Variants in CNTNAP2 observed in about 807,000 individuals in gnomAD.
The protein encoded by CNTNAP2 is contactin associated protein 2, also known as contactin-associated protein-like 2.
In CNTNAP2, 98 loss-of-function variants were observed where a neutral mutation model predicts 155.2. The ratio of observed to expected loss-of-function variants is 0.63; its 90% CI spans 0.54 to 0.75. CNTNAP2 has a LOEUF of 0.75. Ranked by LOEUF, CNTNAP2 falls within the 30% of genes least tolerant of loss-of-function variation. CNTNAP2 has a pLI of 0.00. For synonymous variants in CNTNAP2, 651 were observed against 631.2 expected (o/e 1.03, Z -0.47); for missense variants, 1,727 against 1,688.1 (o/e 1.02, Z -0.40).
intron 1 of CNTNAP2, among the ~76,000 whole-genome samples, chr7:146,519,737 G>A (rs1034093893): frequency 2.0e-5 from 3 of 151,774 alleles, no homozygotes; most frequent in South Asian, 4.1e-4. Flanking sequence ...GATATTTACC[G>A]CATCGTCTCA....
intron 8 of CNTNAP2, among the ~76,000 whole-genome samples, chr7:147,213,624 A>G (rs761153186): frequency 4.6e-5 from 7 of 152,154 alleles, no homozygotes; most frequent in Non-Finnish European, 4.4e-5. Flanking sequence ...GATAGAATCA[A>G]AAAGATATAT....
At position 146,793,619 on chromosome 7, in the gene CNTNAP2, T is replaced by C. The variant is rs530758202; in HGVS notation, c.208+19238T>C. Among the ~76,000 whole-genome samples the C allele has an allele frequency of 2.5e-4, 38 of 152,344 alleles. No individual in the cohort carries two copies. In the South Asian group the frequency reaches 7.7e-3, roughly 31 times the overall value. The stretch of plus-strand genomic sequence containing the variant: ...AAAGCAAGAATGGCAGAGGCAAGAA[T>C]GCGATAGCTGTTCCTTGACATTGGA... On this transcript the variant is annotated intron_variant, in intron 2 of 23. Coordinates refer to ENST00000361727, the MANE Select transcript of CNTNAP2 (RefSeq NM_014141.6).
chr7:146,400,023 G>T (rs1795690983), intron 1 of CNTNAP2, among the ~76,000 whole-genome samples: 2 of 152,020 alleles, frequency 1.3e-5, no homozygotes, highest in South Asian at 4.1e-4. Flanking sequence ...GGAAAGTCTA[G>T]AAGAAAAAGT....
chr7:147,727,768 G>A (rs1001488601), intron 13 of CNTNAP2, among the ~76,000 whole-genome samples: 12 of 126,206 alleles, frequency 9.5e-5, no homozygotes, highest in African/African-American at 1.8e-4. Flanking sequence ...TTTTTCCTGC[G>A]CTCACTGCAC....
At chr7:147,720,782 G>A (rs1188377873) in intron 13 of CNTNAP2, among the ~76,000 whole-genome samples, 1 of 152,206 alleles carries the variant, frequency 6.6e-6, no homozygotes. Context: ...CAGCCATGCT[G>A]AACTGTGAGT....
chr7:147,113,695 A>G (rs1292076341), intron 5 of CNTNAP2, among the ~76,000 whole-genome samples: 1 of 152,134 alleles, frequency 6.6e-6, no homozygotes, highest in Non-Finnish European at 1.5e-5. Context: ...GGGGATTATA[A>G]TTTGGATTAC....
intron 8 of CNTNAP2, among the ~76,000 whole-genome samples, chr7:147,135,826 T>C (rs533947933): frequency 6.6e-5 from 10 of 151,318 alleles, no homozygotes; most frequent in Admixed American, 1.3e-4. Context: ...TTTCATGTCC[T>C]AAATACAGTT....
intron 12 of CNTNAP2, among the ~76,000 whole-genome samples, chr7:147,591,829 TC>T (rs34514338): frequency 9.9e-5 from 15 of 152,096 alleles, no homozygotes; most frequent in Non-Finnish European, 1.5e-4. Context: ...CCAGGTAAAC[TC>T]TCATGCTGTC....
At chr7:146,651,931 C>T (rs1469869475) in intron 1 of CNTNAP2, among the ~76,000 whole-genome samples, 1 of 151,964 alleles carries the variant, frequency 6.6e-6, no homozygotes, top group Non-Finnish European at 1.5e-5. Flanking sequence ...AATGGATGGG[C>T]TTATATTATG....
chr7:147,333,571 G>T (rs751833772), intron 9 of CNTNAP2, among the ~76,000 whole-genome samples: 54 of 152,200 alleles, frequency 3.5e-4, no homozygotes, highest in Admixed American at 2.8e-3. Context: ...TTAAATTTTT[G>T]AAATATCATA....
chr7:147,732,181 T>TCCCCCCC (rs199519152), intron 13 of CNTNAP2, among the ~76,000 whole-genome samples: 26 of 108,528 alleles, frequency 2.4e-4, no homozygotes, highest in Admixed American at 3.9e-4. Context: ...ATGCTATCCC[T>TCCCCCCC]CCCCCCCCCA....
intron 9 of CNTNAP2, chr7:147,378,077 C>T: frequency 2.2e-6 from 1 of 463,416 alleles, no homozygotes; most frequent in Non-Finnish European, 4.4e-6. Flanking sequence ...CTTTTAATGG[C>T]AAAAACCACT....
intron 3 of CNTNAP2, among the ~76,000 whole-genome samples, chr7:146,857,409 C>T (rs187054556): frequency 3.9e-5 from 6 of 152,170 alleles, no homozygotes; most frequent in African/African-American, 1.4e-4. Flanking sequence ...CACATTACCA[C>T]AGCTTGTATT....
At chr7:147,789,154 G>T (rs550564229) in intron 13 of CNTNAP2, among the ~76,000 whole-genome samples, 3 of 151,822 alleles carry the variant, frequency 2.0e-5, no homozygotes, top group Non-Finnish European at 2.9e-5. Flanking sequence ...TGATCTGCCC[G>T]CCTCGGCCTC....
chr7:148,179,664 C>T (rs1407541093), intron 18 of CNTNAP2, among the ~76,000 whole-genome samples: 1 of 137,806 alleles, frequency 7.3e-6, no homozygotes, highest in Non-Finnish European at 1.5e-5. Flanking sequence ...AGAGAGAGAA[C>T]AAGAGAGAGA....
intron 10 of CNTNAP2, among the ~76,000 whole-genome samples, chr7:147,460,549 C>T (rs769460044): frequency 5.3e-5 from 8 of 152,088 alleles, no homozygotes; most frequent in Non-Finnish European, 1.2e-4. Context: ...TTTAGACTTC[C>T]CCCTCAGCCA....
At chr7:148,217,822 C>T (rs1024470290) in intron 19 of CNTNAP2, among the ~76,000 whole-genome samples, 5 of 152,168 alleles carry the variant, frequency 3.3e-5, no homozygotes, top group African/African-American at 7.2e-5. Flanking sequence ...TATTTTTTCT[C>T]CCTACTAAAT....
intron 19 of CNTNAP2, among the ~76,000 whole-genome samples, chr7:148,221,293 A>G (rs1425849580): frequency 1.3e-5 from 2 of 152,124 alleles, no homozygotes; most frequent in Non-Finnish European, 2.9e-5. Flanking sequence ...AGATACTATT[A>G]TTATTTCCTT....
rs141418934 is a variant in CNTNAP2 at position 146,303,619 on chromosome 7, C to T, written c.97+186646C>T. 6.7e-4 allele frequency among the ~76,000 whole-genome samples: 102 copies of T among 152,168 alleles called. 1 individual carries two copies. The highest frequency in any genetic ancestry group is 2.4e-3 in the African/African-American group (101 of 41,522). On this transcript the variant is annotated intron_variant, in intron 1 of 23. Transcript: ENST00000361727. The stretch of plus-strand genomic sequence containing the variant: ...AATCCTGAGTTCTAGTTTGATTGCA[C>T]TGTGGTCTGAGAGACAGTTTGTTAT...
Sources: allele counts gnomAD v4.1 joint callset (sites outside exome capture counted in the v4.1 genomes callset), GRCh38; gene constraint gnomAD v4.1.1; transcripts MANE v1.5; gene names NCBI Gene and HGNC (gene_info 2026-07-23, HGNC 2026-07-21).